Variants in CLHC1 observed in about 807,000 individuals in gnomAD.
The protein encoded by CLHC1 is clathrin heavy chain linker domain containing 1, also known as clathrin heavy chain linker domain-containing protein 1.
Under a neutral mutation model 69.5 loss-of-function variants are expected in CLHC1, and 72 were observed. The ratio of observed to expected loss-of-function variants is 1.04; its 90% confidence interval spans 0.86 to 1.26. The LOEUF (loss-of-function observed/expected upper bound fraction) is 1.26, where lower values mean the gene tolerates loss of function less well. Among genes scored for constraint, CLHC1 ranks in the 50% most tolerant of loss-of-function variants. The pLI, the probability that CLHC1 is intolerant of heterozygous loss-of-function variation, is 0.00. For synonymous variants in CLHC1, 223 were observed against 224.3 expected (o/e 0.99, Z 0.05); for missense variants, 790 against 679.3 (o/e 1.16, Z -1.81).
intron 9 of CLHC1, among the ~76,000 whole-genome samples, chr2:55,197,905 C>A (rs1439792139): frequency 6.6e-6 from 1 of 152,072 alleles, no homozygotes; most frequent in African/African-American, 2.4e-5. Flanking sequence ...ACCTTTCAGG[C>A]AGAGAATTCA....
At chr2:55,195,035 G>A (rs1671276101) in intron 9 of CLHC1, among the ~76,000 whole-genome samples, 1 of 151,916 alleles carries the variant, frequency 6.6e-6, no homozygotes, top group Non-Finnish European at 1.5e-5. Flanking sequence ...TCCTGCCTCA[G>A]CCACCCAACT....
At chr2:55,213,589 A>G (rs1428020877) in intron 4 of CLHC1, among the ~76,000 whole-genome samples, 1 of 132,202 alleles carries the variant, frequency 7.6e-6, no homozygotes, top group Admixed American at 7.5e-5. Context: ...GAAGGACAGC[A>G]CTTCCCTGAG....
intron 5 of CLHC1, among the ~76,000 whole-genome samples, chr2:55,211,377 C>A (rs1355305797): frequency 6.6e-6 from 1 of 151,850 alleles, no homozygotes; most frequent in Non-Finnish European, 1.5e-5. Flanking sequence ...TGGCAGGCGC[C>A]TGTAGTCCCA....
In CLHC1 at chr2:55,222,478, C is replaced by A; in HGVS notation, c.-67G>T. ...TCTTGACCTGCTCTTGCAACAAAGC[C>A]AAAACTTTGATAAGCCTGAAAGAAA... is the stretch of plus-strand genomic sequence containing the variant. On this transcript the variant is annotated 5_prime_UTR_variant, in exon 3 of 13. Coordinates refer to ENST00000401408, the MANE Select transcript of CLHC1 (RefSeq NM_152385.4). 2.5e-6 allele frequency: 3 copies of A among 1,222,160 alleles called. No homozygotes were observed. The highest frequency in any genetic ancestry group is 1.1e-6 in the Non-Finnish European group (1 of 881,976). 75.7% of individuals were successfully genotyped at this position (1,222,160 alleles called of 1,614,324 possible).
intron 8 of CLHC1, 69 bp downstream of exon 8, chr2:55,208,557 G>A: frequency 2.2e-6 from 2 of 925,630 alleles, no homozygotes; most frequent in Non-Finnish European, 3.5e-6. Context: ...TTCCCAATCT[G>A]GTATGTTATT....
intron 9 of CLHC1, among the ~76,000 whole-genome samples, chr2:55,199,109 C>A (rs1357332477): frequency 2.0e-5 from 3 of 151,718 alleles, no homozygotes; most frequent in Admixed American, 6.6e-5. Context: ...CCAGCCTGGG[C>A]AACATGGTGA....
At chr2:55,217,552 A>AAAACATATATATATATAT (rs1673677786) in intron 4 of CLHC1, among the ~76,000 whole-genome samples, 1 of 43,156 alleles carries the variant, frequency 2.3e-5, no homozygotes, top group African/African-American at 1.2e-4. Flanking sequence ...AAAAAAAAAA[A>AAAACATATATATATATAT]ATATATATAT....
Position 55,175,134 on chromosome 2 carries a change from T to C in CLHC1, c.*656A>G, listed in dbSNP as rs1669269938. On this transcript the variant is annotated 3_prime_UTR_variant, in exon 13 of 13. Transcript: ENST00000401408. ...ATACTTATTCAGACACTTGAAATAA[T>C]CCAAAACCACTTCTTATGACATATT... 1 of 152,160 alleles carries C rather than the reference T, an allele frequency of 6.6e-6. No homozygotes were observed. The highest frequency in any genetic ancestry group is 2.1e-4 in the South Asian group (1 of 4,830). 9.4% of individuals were successfully genotyped at this position (152,160 alleles called of 1,614,324 possible).
chr2:55,221,436 C>T (rs915253685), intron 3 of CLHC1, among the ~76,000 whole-genome samples: 1 of 152,146 alleles, frequency 6.6e-6, no homozygotes, highest in Non-Finnish European at 1.5e-5. Context: ...AATATTAATT[C>T]CAGTCTAATT....
chr2:55,207,362 C>T (rs1357394508), intron 8 of CLHC1, among the ~76,000 whole-genome samples: 1 of 152,126 alleles, frequency 6.6e-6, no homozygotes, highest in Admixed American at 6.5e-5. Context: ...GAATGTGGAG[C>T]CCCAGGCGGA....
intron 8 of CLHC1, among the ~76,000 whole-genome samples, chr2:55,207,637 C>CTA: frequency 6.6e-6 from 1 of 152,190 alleles, no homozygotes. Context: ...TATGAATTAA[C>CTA]CTCTTAAAGA....
intron 9 of CLHC1, among the ~76,000 whole-genome samples, chr2:55,199,852 C>G (rs1351263103): frequency 6.6e-6 from 1 of 151,772 alleles, no homozygotes; most frequent in South Asian, 2.1e-4. Flanking sequence ...ATAAAACAAC[C>G]AAAAAATAAC....
chr2:55,203,585 T>C (rs1156559929), intron 9 of CLHC1, among the ~76,000 whole-genome samples: 2 of 152,226 alleles, frequency 1.3e-5, no homozygotes, highest in East Asian at 3.9e-4. Flanking sequence ...CAGTAAATGG[T>C]GCTGGGAAAA....
intron 2 of CLHC1, chr2:55,224,400 TG>T: frequency 2.3e-6 from 1 of 436,908 alleles, no homozygotes; most frequent in Non-Finnish European, 4.6e-6. Flanking sequence ...ATGGTCCTCC[TG>T]GAGGAAAGCT....
At chr2:55,184,102 C>CTTTCTTT in intron 9 of CLHC1, among the ~76,000 whole-genome samples, 1 of 10,914 alleles carries the variant, frequency 9.2e-5, no homozygotes. Flanking sequence ...TTCTTTCTTT[C>CTTTCTTT]TTTATTTTTT....
In CLHC1 at chr2:55,175,946, G is replaced by A. The variant is rs776774662; in HGVS notation, c.1605C>T (p.Ser535=). The change falls in exon 13 of 13, where the codon TCC becomes TCT. Residue 535 remains serine, a synonymous_variant. Transcript: ENST00000401408. ...ESLMINDSFC[S]IEKWQEVANI... ...TTGCCACTTCTTGCCACTTTTCTAT[G>A]GAGCAAAAGGAATCATTTATCATAA... 1 of 1,613,938 alleles carries A rather than the reference G, an allele frequency of 6.2e-7. No individual in the cohort carries two copies. The highest frequency in any genetic ancestry group is 1.3e-5 in the African/African-American group (1 of 75,032).
At chr2:55,189,954 C>A (rs1435583433) in intron 9 of CLHC1, among the ~76,000 whole-genome samples, 4 of 152,172 alleles carry the variant, frequency 2.6e-5, no homozygotes, top group African/African-American at 4.8e-5. Context: ...TGAAAACAAG[C>A]TCCAGAAGGA....
chr2:55,191,349 C>T lies in CLHC1; in HGVS notation c.1007-9605G>A, dbSNP rs1023087036. On this transcript the variant is annotated intron_variant, in intron 9 of 12. Transcript: ENST00000401408. ...CTCCTGGATTCTAGTGATTCTCCTG[C>T]CTCAGTCTCTCAAGTAGCTGGGATT... 3.8e-4 allele frequency among the ~76,000 whole-genome samples: 58 copies of T among 152,252 alleles called. 1 individual carries two copies. Among genetic ancestry groups the T allele is most frequent in the African/African-American group, 1.3e-3 (52 of 41,532 alleles).
Position 55,206,339 on chromosome 2 carries a change from C to A in CLHC1, c.937G>T (p.Ala313Ser). ...GGACTGTTTGCTGCATAACAAGCTG[C>A]CTTTTCATATTCACCAAGTGAGATT... ...ELISLGEYEK[A>S]ACYAANSPRR... The change falls in exon 9 of 13, where the codon GCA (alanine) becomes TCA (serine). Residue 313 changes from alanine to serine, a missense_variant. Physicochemically the swap from Ala to Ser is moderately conservative, Grantham distance 99 (BLOSUM62 1). Coordinates refer to ENST00000401408, the MANE Select transcript of CLHC1 (RefSeq NM_152385.4). The A allele has an allele frequency of 6.2e-7, 1 of 1,610,176 alleles. No individual in the cohort carries two copies. The highest frequency in any genetic ancestry group is 8.5e-7 in the Non-Finnish European group (1 of 1,177,068).
Sources: allele counts gnomAD v4.1 joint callset (sites outside exome capture counted in the v4.1 genomes callset), GRCh38; gene constraint gnomAD v4.1.1; transcripts MANE v1.5; gene names NCBI Gene and HGNC (gene_info 2026-07-23, HGNC 2026-07-21).